The following PPARGC1A variants were observed in gnomAD, a reference collection of about 807,000 sequenced individuals.
PPARGC1A encodes the protein PPARG coactivator 1 alpha, also known as peroxisome proliferator-activated receptor gamma coactivator 1-alpha.
PPARGC1A carries 25 observed loss-of-function variants against 88.7 expected under a neutral mutation model. The ratio of observed to expected loss-of-function variants is 0.28; its 90% CI spans 0.21 to 0.39. PPARGC1A has a LOEUF of 0.39. PPARGC1A is among the 10% of genes least tolerant of loss of function. PPARGC1A has a pLI of 1.00. For missense variants in PPARGC1A, 880 were observed against 968.7 expected, an observed-to-expected ratio of 0.91 and a Z score of 1.22; for synonymous variants, 363 against 355.6, an observed-to-expected ratio of 1.02 and a Z score of -0.24.
the PPARGC1A span, among the ~76,000 whole-genome samples, chr4:24,446,183 G>A: frequency 2.6e-5 from 4 of 152,172 alleles, no homozygotes; most frequent in African/African-American, 7.2e-5. Flanking sequence ...ATACTCCAAA[G>A]CCAAGATAAG....
chr4:23,906,131 G>A (rs1720000025), upstream of PPARGC1A, among the ~76,000 whole-genome samples: 1 of 152,144 alleles, frequency 6.6e-6, no homozygotes, highest in Non-Finnish European at 1.5e-5. Flanking sequence ...GTTCTTTGCA[G>A]ATCAACCCCT....
At chr4:24,052,593 C>T in the PPARGC1A span, among the ~76,000 whole-genome samples, 3 of 149,230 alleles carry the variant, frequency 2.0e-5, no homozygotes, top group Non-Finnish European at 4.4e-5. Context: ...GCTGAGATGG[C>T]GTCACTGCAC....
At chr4:24,171,319 T>C in the PPARGC1A span, among the ~76,000 whole-genome samples, 2 of 151,636 alleles carry the variant, frequency 1.3e-5, no homozygotes, top group African/African-American at 4.9e-5. Context: ...GGCAGGAGAA[T>C]CCCTTGAACC....
the PPARGC1A span, among the ~76,000 whole-genome samples, chr4:23,932,024 G>A: frequency 1.3e-5 from 2 of 152,306 alleles, no homozygotes; most frequent in Admixed American, 6.5e-5. Context: ...CAGGCACATG[G>A]TAGTTATACA....
the PPARGC1A span, among the ~76,000 whole-genome samples, chr4:24,333,075 C>T: frequency 6.6e-6 from 1 of 152,148 alleles, no homozygotes; most frequent in African/African-American, 2.4e-5. Flanking sequence ...AACCCTGTCT[C>T]TACAAAAACT....
intron 10 of PPARGC1A, among the ~76,000 whole-genome samples, chr4:23,806,823 C>T (rs1328113951): frequency 1.3e-5 from 2 of 152,088 alleles, no homozygotes; most frequent in Admixed American, 1.3e-4. Flanking sequence ...TGTTTCTCAT[C>T]AAATAAACTA....
the PPARGC1A span, among the ~76,000 whole-genome samples, chr4:24,384,289 G>A: frequency 6.6e-6 from 1 of 152,072 alleles, no homozygotes; most frequent in Non-Finnish European, 1.5e-5. Flanking sequence ...ATACCAAATT[G>A]TAAAGACCAT....
At chr4:24,407,665 T>G in the PPARGC1A span, among the ~76,000 whole-genome samples, 1 of 152,234 alleles carries the variant, frequency 6.6e-6, no homozygotes, top group Non-Finnish European at 1.5e-5. Flanking sequence ...TAATCCCTTT[T>G]GGAAATGAGA....
the PPARGC1A span, among the ~76,000 whole-genome samples, chr4:24,194,001 C>T: frequency 1.2e-4 from 18 of 152,008 alleles, no homozygotes; most frequent in African/African-American, 3.6e-4. Flanking sequence ...TGGTGGCATG[C>T]ACCTATAATC....
At chr4:24,409,925 A>C in the PPARGC1A span, among the ~76,000 whole-genome samples, 1 of 152,338 alleles carries the variant, frequency 6.6e-6, no homozygotes, top group East Asian at 1.9e-4. Flanking sequence ...GGACAGCAAA[A>C]TGTGCATCTA....
At chr4:24,359,951 TA>T in the PPARGC1A span, among the ~76,000 whole-genome samples, 1 of 152,184 alleles carries the variant, frequency 6.6e-6, no homozygotes, top group Non-Finnish European at 1.5e-5. Flanking sequence ...AGGAAACTAA[TA>T]CATCCCTCAA....
chr4:24,137,147 A>G, the PPARGC1A span, among the ~76,000 whole-genome samples: 1 of 151,872 alleles, frequency 6.6e-6, no homozygotes, highest in African/African-American at 2.4e-5. Flanking sequence ...TTAAGATAAA[A>G]TGAAGACATA....
Position 23,834,225 on chromosome 4 carries a change from G to A in PPARGC1A, c.235-2474C>T, listed in dbSNP as rs533424776. ...TGAGGCAGGAGAATGGTGTGAACCC[G>A]GGGGGTGGAGCTTGCAGTGAGTCAA... On this transcript the variant is annotated intron_variant, in intron 2 of 12. Coordinates refer to ENST00000264867, the MANE Select transcript of PPARGC1A (RefSeq NM_013261.5). Among the ~76,000 whole-genome samples the A allele has an allele frequency of 2.4e-4, 36 of 152,132 alleles. 1 individual carries two copies. In the South Asian group the frequency reaches 4.6e-3, roughly 19 times the overall value.
chr4:24,225,934 G>T, the PPARGC1A span, among the ~76,000 whole-genome samples: 2 of 151,912 alleles, frequency 1.3e-5, no homozygotes, highest in African/African-American at 4.9e-5. Context: ...AATGAAAGGA[G>T]AGAGTCAGAA....
intron 2 of PPARGC1A, among the ~76,000 whole-genome samples, chr4:23,869,638 A>C (rs1344667488): frequency 8.1e-6 from 1 of 123,988 alleles, no homozygotes; most frequent in Non-Finnish European, 1.6e-5. Flanking sequence ...TTGTTCATTT[A>C]TTTATAAGAG....
chr4:23,844,517 A>G (rs1356711953), intron 2 of PPARGC1A, among the ~76,000 whole-genome samples: 2 of 116,238 alleles, frequency 1.7e-5, no homozygotes, highest in African/African-American at 6.9e-5. Context: ...ATAATATAAT[A>G]ATCACATAAT....
the PPARGC1A span, among the ~76,000 whole-genome samples, chr4:24,467,296 T>G: frequency 6.6e-6 from 1 of 152,164 alleles, no homozygotes; most frequent in South Asian, 2.1e-4. Flanking sequence ...TGAGCTGGAT[T>G]TACAGGAGGA....
the PPARGC1A span, among the ~76,000 whole-genome samples, chr4:24,309,458 T>A: frequency 6.6e-6 from 1 of 152,090 alleles, no homozygotes; most frequent in African/African-American, 2.4e-5. Context: ...GTTGCAGAGG[T>A]AGGCAGGAAC....
At chr4:24,052,440 C>T in the PPARGC1A span, among the ~76,000 whole-genome samples, 1 of 151,858 alleles carries the variant, frequency 6.6e-6, no homozygotes, top group South Asian at 2.1e-4. Context: ...ACTTTGAGAC[C>T]AGCCTGGCCA....
Sources: gnomAD v4.1 joint callset for allele counts (sites outside exome capture counted in the v4.1 genomes callset) on GRCh38, gnomAD v4.1.1 for gene constraint, MANE v1.5 for transcripts, NCBI Gene and HGNC (gene_info 2026-07-23, HGNC 2026-07-21) for gene names.